SEMA5A: variants seen among roughly 807,000 people sequenced by gnomAD.
The protein encoded by SEMA5A is semaphorin-5A.
Under a neutral mutation model 135.5 loss-of-function variants are expected in SEMA5A, and 55 were observed. The observed-to-expected ratio is 0.41, with a 90% CI of 0.33 to 0.51. The LOEUF is 0.51. SEMA5A is among the 20% of genes least tolerant of loss of function. The probability of loss-of-function intolerance (pLI) is 0.37; values close to 1 mark genes in which losing one functional copy is unlikely to be tolerated. For missense variants in SEMA5A, 1,290 were observed against 1,419.9 expected, an observed-to-expected ratio of 0.91 and a Z score of 1.47; for synonymous variants, 580 against 546.5, an observed-to-expected ratio of 1.06 and a Z score of -0.85.
chr5:9,292,949 G>T (rs1422242411), intron 5 of SEMA5A, among the ~76,000 whole-genome samples: 1 of 152,272 alleles, frequency 6.6e-6, no homozygotes, highest in Middle Eastern at 3.4e-3. Flanking sequence ...GAATTATCTG[G>T]CCCAAAACAT....
intron 8 of SEMA5A, among the ~76,000 whole-genome samples, chr5:9,211,455 C>G (rs978131397): frequency 1.3e-5 from 2 of 152,178 alleles, no homozygotes; most frequent in Admixed American, 1.3e-4. Context: ...TGTAGCGAAT[C>G]TTGTCAGTCG....
At chr5:9,061,499 C>T (rs1393613063) in intron 18 of SEMA5A, among the ~76,000 whole-genome samples, 2 of 152,072 alleles carry the variant, frequency 1.3e-5, no homozygotes, top group African/African-American at 4.8e-5. Flanking sequence ...TCAGGATGGC[C>T]ATGACGTGTG....
Position 9,269,767 on chromosome 5 carries a change from T to G in SEMA5A, c.271-31877A>C, listed in dbSNP as rs184323103. ...ATTCTCTATGTCTATATACATAGTA[T>G]GAAATGTAATAAATCTGCATATGCA... On this transcript the variant is annotated intron_variant, in intron 5 of 22. Coordinates refer to ENST00000382496, the MANE Select transcript of SEMA5A (RefSeq NM_003966.3). 4.9e-3 allele frequency among the ~76,000 whole-genome samples: 743 copies of G among 152,256 alleles called. 21 individuals carry two copies. The highest frequency in any genetic ancestry group is 0.042 in the Admixed American group (642 of 15,288).
intron 19 of SEMA5A, 103 bp from the exon 20 acceptor site, chr5:9,052,131 C>G: frequency 1.6e-6 from 2 of 1,263,686 alleles, no homozygotes; most frequent in Non-Finnish European, 1.1e-6. Context: ...TTCCAGGATT[C>G]CATAGCATAT....
chr5:9,247,227 TG>T (rs1369703533), intron 5 of SEMA5A, among the ~76,000 whole-genome samples: 1 of 152,196 alleles, frequency 6.6e-6, no homozygotes, highest in Non-Finnish European at 1.5e-5. Flanking sequence ...TGTGATTTTG[TG>T]TGTTAGATTT....
At chr5:9,532,530 C>T (rs1156996023) in intron 1 of SEMA5A, among the ~76,000 whole-genome samples, 1 of 151,524 alleles carries the variant, frequency 6.6e-6, no homozygotes, top group East Asian at 1.9e-4. Flanking sequence ...TCAGGTGGTC[C>T]ACCCACCTCG....
chr5:9,054,288 T>C, intron 18 of SEMA5A, 31 bp from the exon 19 acceptor site: 1 of 1,598,724 alleles, frequency 6.3e-7, no homozygotes, highest in South Asian at 1.1e-5. Flanking sequence ...ACAGCTCTTC[T>C]ATAATCCAAT....
At chr5:9,133,711 AG>A (rs1290791645) in intron 13 of SEMA5A, among the ~76,000 whole-genome samples, 1 of 152,168 alleles carries the variant, frequency 6.6e-6, no homozygotes, top group East Asian at 1.9e-4. Context: ...AGGTCCTCTC[AG>A]TAGTAGGAAA....
chr5:9,227,349 G>T lies in SEMA5A; in HGVS notation c.334-382C>A, dbSNP rs182642231. 7.0e-4 allele frequency among the ~76,000 whole-genome samples: 106 copies of T among 152,270 alleles called. 1 individual carries two copies. The highest frequency in any genetic ancestry group is 2.4e-3 in the African/African-American group (101 of 41,566). On this transcript the variant is annotated intron_variant, in intron 6 of 22. Transcript: ENST00000382496. ...ACAAATGCTAAATGGCCTTGGACGG[G>T]TATTAGGAAAATAAATAAAAGGAAC...
intron 5 of SEMA5A, among the ~76,000 whole-genome samples, chr5:9,256,214 C>T (rs919879560): frequency 3.9e-5 from 6 of 152,182 alleles, no homozygotes; most frequent in African/African-American, 7.2e-5. Context: ...TTAATACCTT[C>T]GAGTGGCTTG....
intron 4 of SEMA5A, among the ~76,000 whole-genome samples, chr5:9,320,833 T>C (rs886365381): frequency 2.6e-5 from 4 of 152,174 alleles, no homozygotes; most frequent in Non-Finnish European, 5.9e-5. Context: ...ATTTCAACAT[T>C]AGCCAAGCTT....
chr5:9,292,132 A>AATAATGACTTCTTGGACTT (rs142461995), intron 5 of SEMA5A, among the ~76,000 whole-genome samples: 2,893 of 152,258 alleles, frequency 0.019, 47 homozygotes, highest in Non-Finnish European at 0.029. Context: ...CAAACATGGA[A>AATAATGACTTCTTGGACTT]ATAATGACTT....
At chr5:9,240,072 G>A (rs555836635) in intron 5 of SEMA5A, among the ~76,000 whole-genome samples, 1 of 151,944 alleles carries the variant, frequency 6.6e-6, no homozygotes, top group African/African-American at 2.4e-5. Flanking sequence ...AAGAAAGAAT[G>A]TGAGAGTTTT....
rs528029744 is a variant in SEMA5A, at chr5:9,527,041, G to A, written c.-175+18543C>T. ...TCCACCTGGGTATGGTAAGGGGAGT[G>A]TAAGACGGAAAGTGTGGATGGAGGC... On this transcript the variant is annotated intron_variant, in intron 1 of 22. Coordinates refer to ENST00000382496, the MANE Select transcript of SEMA5A (RefSeq NM_003966.3). 2.0e-5 allele frequency among the ~76,000 whole-genome samples: 3 copies of A among 152,296 alleles called. No individual in the cohort carries two copies. In the South Asian group the frequency reaches 6.2e-4, roughly 32 times the overall value.
At chr5:9,190,503 C>G in intron 10 of SEMA5A, 32 bp from the exon 11 acceptor site, 10 of 1,606,238 alleles carry the variant, frequency 6.2e-6, no homozygotes, top group Non-Finnish European at 8.5e-6. Flanking sequence ...GTTACCAGAG[C>G]CGGCAGCCTG....
intron 8 of SEMA5A, among the ~76,000 whole-genome samples, chr5:9,209,224 T>C (rs1805967): frequency 0.11 from 16,357 of 152,190 alleles, 1,371 homozygotes; most frequent in African/African-American, 0.24. Flanking sequence ...AATGTTCTAG[T>C]TCAAAGTGAC....
chr5:9,229,784 A>T, intron 6 of SEMA5A, among the ~76,000 whole-genome samples: 1 of 152,194 alleles, frequency 6.6e-6, no homozygotes, highest in Non-Finnish European at 1.5e-5. Context: ...CAACATGGGC[A>T]AGGGTAATTT....
chr5:9,345,237 C>T (rs1753809090), intron 3 of SEMA5A, among the ~76,000 whole-genome samples: 1 of 152,154 alleles, frequency 6.6e-6, no homozygotes, highest in South Asian at 2.1e-4. Context: ...CTTAAAATAT[C>T]CAGGAAAAAT....
At chr5:9,304,644 G>A (rs1373821981) in intron 5 of SEMA5A, among the ~76,000 whole-genome samples, 1 of 152,002 alleles carries the variant, frequency 6.6e-6, no homozygotes, top group African/African-American at 2.4e-5. Context: ...TTTTACTGCT[G>A]TTTCTTGATA....
Sources: gnomAD v4.1 joint callset for allele counts (sites outside exome capture counted in the v4.1 genomes callset) on GRCh38, gnomAD v4.1.1 for gene constraint, MANE v1.5 for transcripts, NCBI Gene and HGNC (gene_info 2026-07-23, HGNC 2026-07-21) for gene names.